Variants in KHDRBS2 observed in about 807,000 individuals in gnomAD.
The protein encoded by KHDRBS2 is KH domain-containing, RNA-binding, signal transduction-associated protein 2.
A neutral mutation model predicts 44.3 loss-of-function variants in KHDRBS2; 26 were observed. The ratio of observed to expected loss-of-function variants is 0.59; its 90% CI spans 0.43 to 0.81. The LOEUF is 0.81. KHDRBS2 is among the 40% of genes least tolerant of loss of function. The pLI is 0.00. For synonymous variants in KHDRBS2, 194 were observed against 151.1 expected (o/e 1.28, Z -2.08); for missense variants, 476 against 433.1 (o/e 1.10, Z -0.88).
At chr6:61,969,049 C>A (rs9453800) in intron 4 of KHDRBS2, among the ~76,000 whole-genome samples, 3 of 151,944 alleles carry the variant, frequency 2.0e-5, no homozygotes, top group African/African-American at 7.2e-5. Flanking sequence ...CCTTCCAGTT[C>A]TATAATTATA....
chr6:62,154,498 G>GAA (rs138128237), intron 2 of KHDRBS2, among the ~76,000 whole-genome samples: 1 of 151,800 alleles, frequency 6.6e-6, no homozygotes, highest in African/African-American at 2.4e-5. Context: ...TTTATCTATT[G>GAA]AAAAAAAGTA....
intron 2 of KHDRBS2, among the ~76,000 whole-genome samples, chr6:62,112,792 G>C (rs781619048): frequency 6.6e-6 from 1 of 152,036 alleles, no homozygotes; most frequent in East Asian, 1.9e-4. Flanking sequence ...TTAGCAAAAT[G>C]GTGCGATATA....
At chr6:62,142,884 T>C (rs1813150510) in intron 2 of KHDRBS2, among the ~76,000 whole-genome samples, 1 of 151,024 alleles carries the variant, frequency 6.6e-6, no homozygotes, top group Non-Finnish European at 1.5e-5. Context: ...CATCACATTA[T>C]TGAATGACTG....
intron 2 of KHDRBS2, among the ~76,000 whole-genome samples, chr6:62,146,887 G>C (rs1282900072): frequency 6.6e-6 from 1 of 151,824 alleles, no homozygotes; most frequent in Admixed American, 6.6e-5. Flanking sequence ...GTGAGCATAG[G>C]CTTCTCCATG....
intron 4 of KHDRBS2, among the ~76,000 whole-genome samples, chr6:61,945,113 GTATA>G (rs61105265): frequency 4.7e-4 from 7 of 14,994 alleles, no homozygotes; most frequent in Admixed American, 1.3e-3. Flanking sequence ...AAAAAAAAAA[GTATA>G]TATATATATA....
At chr6:61,913,671 T>TG in intron 4 of KHDRBS2, among the ~76,000 whole-genome samples, 1 of 151,684 alleles carries the variant, frequency 6.6e-6, no homozygotes. Flanking sequence ...AGTAATACTG[T>TG]GAAAAAAAGA....
chr6:61,880,361 G>A (rs1800030756), intron 6 of KHDRBS2, among the ~76,000 whole-genome samples: 1 of 151,904 alleles, frequency 6.6e-6, no homozygotes, highest in Non-Finnish European at 1.5e-5. Context: ...CATTCTGGAA[G>A]GGAGAGGATT....
At chr6:61,616,859 T>C in the KHDRBS2 span, among the ~76,000 whole-genome samples, 1 of 152,150 alleles carries the variant, frequency 6.6e-6, no homozygotes, top group African/African-American at 2.4e-5. Flanking sequence ...GTGGAGAAAA[T>C]TTGAAAATAT....
intron 2 of KHDRBS2, among the ~76,000 whole-genome samples, chr6:62,057,396 C>T (rs1790538448): frequency 6.6e-6 from 1 of 151,892 alleles, no homozygotes; most frequent in Non-Finnish European, 1.5e-5. Context: ...ATTTCTGATG[C>T]TGTTCTTAGT....
chr6:61,670,990 C>G, the KHDRBS2 span, among the ~76,000 whole-genome samples: 1 of 151,462 alleles, frequency 6.6e-6, no homozygotes, highest in African/African-American at 2.4e-5. Flanking sequence ...TTCTCATTTC[C>G]CCATATGGTA....
chr6:61,661,984 C>T, the KHDRBS2 span, among the ~76,000 whole-genome samples: 1 of 151,946 alleles, frequency 6.6e-6, no homozygotes, highest in African/African-American at 2.4e-5. Context: ...ATCACACTAC[C>T]TGACTTCAAA....
intron 4 of KHDRBS2, among the ~76,000 whole-genome samples, chr6:61,963,313 A>T (rs1171864237): frequency 6.6e-6 from 1 of 152,070 alleles, no homozygotes; most frequent in African/African-American, 2.4e-5. Context: ...AGGATCCAGA[A>T]ATTTCAGAAT....
At chr6:61,952,382 C>T (rs1764937493) in intron 4 of KHDRBS2, among the ~76,000 whole-genome samples, 1 of 151,948 alleles carries the variant, frequency 6.6e-6, no homozygotes, top group Non-Finnish European at 1.5e-5. Flanking sequence ...GGATCTTCCA[C>T]CTAATCTTTT....
Position 62,069,218 on chromosome 6 carries a change from A to G in KHDRBS2, c.220-21224T>C, listed in dbSNP as rs556005446. On this transcript the variant is annotated intron_variant, in intron 2 of 8. Transcript: ENST00000281156. ...AGCCTTACCAATAACTAGACAGTTG[A>G]TTAACTCATACTTTGTATATCATAT... Among the ~76,000 whole-genome samples, 8 of 151,810 alleles carry G rather than the reference A, an allele frequency of 5.3e-5. No homozygotes were observed. The South Asian group carries it at 1.5e-3, about 28-fold the overall frequency.
chr6:61,579,434 C>G, the KHDRBS2 span, among the ~76,000 whole-genome samples: 1 of 152,176 alleles, frequency 6.6e-6, no homozygotes, highest in Non-Finnish European at 1.5e-5. Context: ...ACTGACCTCA[C>G]ACTTCTCATT....
the KHDRBS2 span, among the ~76,000 whole-genome samples, chr6:61,643,989 A>G: frequency 6.6e-6 from 1 of 152,204 alleles, no homozygotes; most frequent in African/African-American, 2.4e-5. Context: ...TAGAGCCCAA[A>G]TAGCCAAGGC....
chr6:62,159,862 C>T (rs1376785307), intron 2 of KHDRBS2, among the ~76,000 whole-genome samples: 1 of 152,048 alleles, frequency 6.6e-6, no homozygotes, highest in Non-Finnish European at 1.5e-5. Context: ...AGTCTTCATC[C>T]TCATTGTCTT....
At chr6:61,747,068 C>T (rs986303775) in intron 6 of KHDRBS2, among the ~76,000 whole-genome samples, 5 of 149,556 alleles carry the variant, frequency 3.3e-5, no homozygotes, top group Admixed American at 2.0e-4. Context: ...TAAAAGTGGA[C>T]GAAGGATAAG....
At chr6:62,040,021 GCTTT>G (rs1422543726) in intron 3 of KHDRBS2, among the ~76,000 whole-genome samples, 1 of 151,970 alleles carries the variant, frequency 6.6e-6, no homozygotes, top group African/African-American at 2.4e-5. Flanking sequence ...TTAAACTAGA[GCTTT>G]CTATTTTTGA....
Sources: gnomAD v4.1 joint callset for allele counts (sites outside exome capture counted in the v4.1 genomes callset) on GRCh38, gnomAD v4.1.1 for gene constraint, MANE v1.5 for transcripts, NCBI Gene and HGNC (gene_info 2026-07-23, HGNC 2026-07-21) for gene names.